ZBTB18: variants seen among roughly 807,000 people sequenced by gnomAD.
ZBTB18 encodes the protein zinc finger and BTB domain-containing protein 18.
ZBTB18 carries 2 observed loss-of-function variants against 37.7 expected under a neutral mutation model. That is an observed-to-expected ratio of 0.05 (90% CI 0.02 to 0.17). The LOEUF is 0.17. ZBTB18 is among the 10% of genes least tolerant of loss of function. The pLI, the probability that ZBTB18 is intolerant of heterozygous loss-of-function variation, is 1.00. For missense variants in ZBTB18, 408 were observed against 686.3 expected, an observed-to-expected ratio of 0.59 and a Z score of 4.53; for synonymous variants, 304 against 276.5, an observed-to-expected ratio of 1.10 and a Z score of -0.99.
At chr1:244,048,635 C>CCCCA (rs1698282474), upstream of ZBTB18, among the ~76,000 whole-genome samples, 1 of 141,858 alleles carries the variant, frequency 7.0e-6, no homozygotes, top group Non-Finnish European at 1.6e-5. Flanking sequence ...CCCGCCCCCC[C>CCCCA]CCCGCCCCCG....
rs781774644 is a variant in ZBTB18, at chr1:244,054,236, C to A, written c.462C>A (p.Ser154=). 6.2e-7 allele frequency: 1 copy of A among 1,614,126 alleles called. No individual in the cohort carries two copies. Among genetic ancestry groups the A allele is most frequent in the Non-Finnish European group, 8.5e-7 (1 of 1,180,032 alleles). The change falls in exon 2 of 2, where the codon TCC becomes TCA. Residue 154 remains serine (S), a synonymous_variant. Coordinates refer to ENST00000358704, the MANE Select transcript of ZBTB18 (RefSeq NM_205768.3). This position sits in a 1 kb window ranked among gnomAD's most constrained non-coding sequence, Gnocchi z 9.0. ...SSCSDKVESL[S]DGSSHIAGDL... ...GTTCGGACAAAGTCGAGAGTCTCTC[C>A]GATGGCAGCAGCCACATAGCAGGCG...
chr1:244,054,905 G>A lies in ZBTB18; in HGVS notation c.1131G>A (p.Gln377=). Residue 377 remains glutamine, a synonymous_variant, in exon 2 of 2, where the codon CAG becomes CAA. Transcript: ENST00000358704. This position sits in a 1 kb window ranked among gnomAD's most constrained non-coding sequence, Gnocchi z 9.0. ...CCAACATCCTGAGCCCCGCGGGCCA[G>A]ATCTTCATGTGCCCCCTGTGCAACA... The part of the protein sequence containing the change: ...YVSNILSPAG[Q]IFMCPLCNKV... 2.5e-6 allele frequency: 4 copies of A among 1,614,172 alleles called. No individual in the cohort carries two copies. The highest frequency in any genetic ancestry group is 3.4e-6 in the Non-Finnish European group (4 of 1,180,026).
chr1:244,050,016 G>A (rs558040836), upstream of ZBTB18, among the ~76,000 whole-genome samples: 8 of 152,208 alleles, frequency 5.3e-5, no homozygotes, highest in Non-Finnish European at 8.8e-5. Context: ...ATCTCCCGAG[G>A]ATGTCTCCTG....
chr1:244,050,730 A>G (rs1268818044), upstream of ZBTB18, among the ~76,000 whole-genome samples: 9 of 152,230 alleles, frequency 5.9e-5, no homozygotes, highest in Admixed American at 5.2e-4. Flanking sequence ...GAGTGAAATA[A>G]TAAGGTGAAC....
intron 1 of ZBTB18, among the ~76,000 whole-genome samples, chr1:244,052,446 G>A (rs190859936): frequency 6.6e-6 from 1 of 152,214 alleles, no homozygotes; most frequent in Non-Finnish European, 1.5e-5. Context: ...TGGGCAAAGT[G>A]TAGAAGAACA....
intron 1 of ZBTB18, among the ~76,000 whole-genome samples, chr1:244,052,019 A>G (rs1698366198): frequency 6.6e-6 from 1 of 152,164 alleles, no homozygotes; most frequent in Non-Finnish European, 1.5e-5. Context: ...TTCTCTTTCA[A>G]ATATATATTT....
rs548867956 is a variant in ZBTB18 at position 244,056,933 on chromosome 1, T to C, written c.*1563T>C. On this transcript the variant is annotated 3_prime_UTR_variant, in exon 2 of 2. Coordinates refer to ENST00000358704, the MANE Select transcript of ZBTB18 (RefSeq NM_205768.3). ...AAACGTTTGCTGTTTTTCCCTTTTT[T>C]TTTTAATTGCTTTTGTTTAAAATTT... The C allele has an allele frequency of 1.7e-3, 291 of 167,218 alleles. No individual in the cohort carries two copies. The highest frequency in any genetic ancestry group is 3.4e-3 in the Non-Finnish European group (231 of 68,130). 10.4% of individuals were successfully genotyped at this position (167,218 alleles called of 1,614,324 possible).
intron 1 of ZBTB18, among the ~76,000 whole-genome samples, chr1:244,051,899 G>A (rs1038445313): frequency 6.6e-6 from 1 of 152,136 alleles, no homozygotes; most frequent in African/African-American, 2.4e-5. Context: ...ACATTGAGCA[G>A]CACTACTGAA....
Position 244,054,745 on chromosome 1 carries a change from C to T in ZBTB18, c.971C>T (p.Ala324Val), listed in dbSNP as rs890514441. 6.2e-7 allele frequency: 1 copy of T among 1,614,062 alleles called. No homozygotes were observed. Among genetic ancestry groups the T allele is most frequent in the African/African-American group, 1.3e-5 (1 of 74,930 alleles). The change falls in exon 2 of 2, where the codon GCT becomes GTT. Residue 324 changes from alanine to valine, a missense_variant. Physicochemically the swap from Ala to Val is moderately conservative, Grantham distance 64. Around this residue, in one of 4 missense-constraint regions of ZBTB18, gnomAD observed 266 missense variants for 312.0 expected, o/e 0.85. Coordinates refer to ENST00000358704, the MANE Select transcript of ZBTB18 (RefSeq NM_205768.3). The surrounding 1 kb of genome is among the most constrained non-coding windows in gnomAD (Gnocchi z 9.0). ...NRVQYEPAHL[A>V]PLREDSVLRE... The stretch of plus-strand genomic sequence containing the variant: ...GTACAGTATGAGCCGGCCCATCTGG[C>T]TCCCCTGAGGGAGGACTCGGTCTTG...
upstream of ZBTB18, among the ~76,000 whole-genome samples, chr1:244,049,515 G>A (rs1214078027): frequency 6.6e-6 from 1 of 151,766 alleles, no homozygotes; most frequent in Non-Finnish European, 1.5e-5. Context: ...GGCCCCGGGG[G>A]CTCGCGCGTC....
At position 244,054,941 on chromosome 1, in the gene ZBTB18, C is replaced by T; in HGVS notation, c.1167C>T (p.Pro389=). Residue 389 remains proline (P), a synonymous_variant, in exon 2 of 2, where the codon CCC becomes CCT. Coordinates refer to ENST00000358704, the MANE Select transcript of ZBTB18 (RefSeq NM_205768.3). This position sits in a 1 kb window ranked among gnomAD's most constrained non-coding sequence, Gnocchi z 9.0. ...FMCPLCNKVF[P]SPHILQIHLS... is the part of the protein sequence containing the mutation. Reference sequence around the variant, plus strand: ...GCCCCCTGTGCAACAAGGTCTTCCCCAGCCCCCACATCCTGCAGATCCACC... The same window carrying T: ...GCCCCCTGTGCAACAAGGTCTTCCCTAGCCCCCACATCCTGCAGATCCACC... 6.2e-7 allele frequency: 1 copy of T among 1,614,114 alleles called. No individual in the cohort carries two copies.
Position 244,054,384 on chromosome 1 carries a change from C to T in ZBTB18, c.610C>T (p.Pro204Ser). The T allele has an allele frequency of 1.9e-6, 3 of 1,614,170 alleles. No homozygotes were observed. Among genetic ancestry groups the T allele is most frequent in the Non-Finnish European group, 2.5e-6 (3 of 1,180,048 alleles). ...ATTGCCCTCAGACTCAGCAGGCATC[C>T]CCCAGGCTGGCGGAGAGGCAGAGCC... The part of the protein sequence containing the change: ...MRLPSDSAGI[P>S]QAGGEAEPHA... The change falls in exon 2 of 2, where the codon CCC becomes TCC. Residue 204 changes from proline (P) to serine (S), a missense_variant. Transcript: ENST00000358704. This position sits in a 1 kb window ranked among gnomAD's most constrained non-coding sequence, Gnocchi z 9.0.
chr1:244,050,559 G>T (rs1006914982), upstream of ZBTB18, among the ~76,000 whole-genome samples: 1 of 152,102 alleles, frequency 6.6e-6, no homozygotes, highest in African/African-American at 2.4e-5. Context: ...ACTGGAGCAG[G>T]TTGTATCAGT....
At chr1:244,051,490 T>C (rs1698351608) in intron 1 of ZBTB18, 46 bp downstream of exon 1, 1 of 1,609,834 alleles carries the variant, frequency 6.2e-7, no homozygotes, top group South Asian at 1.1e-5. Context: ...TGTTTTGGTG[T>C]TTTGTTTATT....
chr1:244,051,441 A>G lies in ZBTB18; in HGVS notation c.10A>G (p.Lys4Glu), dbSNP rs748413692. 2.4e-5 allele frequency: 39 copies of G among 1,614,140 alleles called. No homozygotes were observed. Among genetic ancestry groups the G allele is most frequent in the Non-Finnish European group, 3.0e-5 (35 of 1,180,000 alleles). ...GGACTTAATCAGGTTTATGTGTCCT[A>G]AAGGTAGGAGTAGCAAGAGATTAGA... MCP[K>E]GYEDSMEFPD... The change falls in exon 1 of 2, where the codon AAA becomes GAA. Residue 4 changes from lysine to glutamate, a missense_variant. By Grantham distance (56) the Lys-to-Glu change is moderately conservative. Transcript: ENST00000358704.
In ZBTB18 at chr1:244,057,132, G is replaced by A. The variant is rs778949959; in HGVS notation, c.*1762G>A. 6.0e-6 allele frequency: 1 copy of A among 166,910 alleles called. No individual in the cohort carries two copies. The highest frequency in any genetic ancestry group is 1.5e-5 in the Non-Finnish European group (1 of 68,094). The allele number at this position is 166,910 out of a possible 1,614,324, so 10.3% of individuals were successfully genotyped here. ...CAAAAAAAGCTGTGAAAATGGCCTTGGAGCATTATCTTTAGTTACTTGAAG... is the reference window on the plus strand; with the variant it reads ...CAAAAAAAGCTGTGAAAATGGCCTTAGAGCATTATCTTTAGTTACTTGAAG... On this transcript the variant is annotated 3_prime_UTR_variant, in exon 2 of 2. Transcript: ENST00000358704.
Position 244,054,727 on chromosome 1 carries a change from A to G in ZBTB18, c.953A>G (p.Tyr318Cys). ...GTGAGCACTAATAACAGGGTACAGT[A>G]TGAGCCGGCCCATCTGGCTCCCCTG... is the stretch of plus-strand genomic sequence containing the variant. ...ESVSTNNRVQ[Y>C]EPAHLAPLRE... Residue 318 changes from tyrosine to cysteine, a missense_variant, in exon 2 of 2, where the codon TAT (tyrosine) becomes TGT (cysteine). Tyr to Cys is a radical substitution (Grantham distance 194, BLOSUM62 -2). This residue lies in a region of ZBTB18 where 266 missense variants were observed against 312.0 expected (regional missense o/e 0.85). Transcript: ENST00000358704. This position sits in a 1 kb window ranked among gnomAD's most constrained non-coding sequence, Gnocchi z 9.0. 1.2e-6 allele frequency: 2 copies of G among 1,614,168 alleles called. No individual in the cohort carries two copies. The highest frequency in any genetic ancestry group is 1.1e-5 in the South Asian group (1 of 91,080).
rs559418394 is a variant in ZBTB18, at chr1:244,056,528, A to C, written c.*1158A>C. On this transcript the variant is annotated 3_prime_UTR_variant, in exon 2 of 2. Transcript: ENST00000358704. ...CCATGCCAGCTCAGAGTTTAGGTGTACACATTTACCCAGTTGAGCGTTCTT... is the reference window on the plus strand; with the variant it reads ...CCATGCCAGCTCAGAGTTTAGGTGTCCACATTTACCCAGTTGAGCGTTCTT... The C allele has an allele frequency of 6.0e-6, 1 of 167,132 alleles. No homozygotes were observed. The highest frequency in any genetic ancestry group is 1.5e-5 in the Non-Finnish European group (1 of 68,126). The allele number at this position is 167,132 out of a possible 1,614,324, so 10.4% of individuals were successfully genotyped here.
At position 244,055,073 on chromosome 1, in the gene ZBTB18, C is replaced by T. The variant is rs375286592; in HGVS notation, c.1299C>T (p.Thr433=). The change falls in exon 2 of 2, where the codon ACC becomes ACT. Residue 433 remains threonine, a synonymous_variant. Coordinates refer to ENST00000358704, the MANE Select transcript of ZBTB18 (RefSeq NM_205768.3). The surrounding 1 kb of genome is among the most constrained non-coding windows in gnomAD (Gnocchi z 7.0). The stretch of plus-strand genomic sequence containing the variant: ...GGAAGACTTTCTCTTGCATGTACAC[C>T]CTCAAGCGCCACGAGAGGACTCACT... ...LCGKTFSCMY[T]LKRHERTHSG... is the part of the protein sequence containing the mutation. The T allele has an allele frequency of 6.2e-7, 1 of 1,614,098 alleles. No homozygotes were observed. The highest frequency in any genetic ancestry group is 8.5e-7 in the Non-Finnish European group (1 of 1,180,054).
Sources: gnomAD v4.1 joint callset for allele counts (sites outside exome capture counted in the v4.1 genomes callset) on GRCh38, gnomAD v4.1.1 for gene constraint, gnomAD v4.1.1 regional missense constraint, Gnocchi (gnomAD v3.1) non-coding constraint, MANE v1.5 for transcripts, NCBI Gene and HGNC (gene_info 2026-07-23, HGNC 2026-07-21) for gene names.